The following CEP63 variants were observed in gnomAD, a reference collection of about 807,000 sequenced individuals.
CEP63 encodes centrosomal protein 63.
Under a neutral mutation model 89.1 loss-of-function variants are expected in CEP63, and 84 were observed. The ratio of observed to expected loss-of-function variants is 0.94; its 90% CI spans 0.79 to 1.13. The LOEUF (loss-of-function observed/expected upper bound fraction) is 1.13, where lower values mean the gene tolerates loss of function less well. Among genes scored for constraint, CEP63 ranks in the 50% most tolerant of loss-of-function variants. CEP63 has a pLI of 0.00. For missense variants in CEP63, 838 were observed against 813.3 expected (o/e 1.03, Z -0.37); for synonymous variants, 267 against 272.5 (o/e 0.98, Z 0.20).
chr3:134,745,227 C>T, the CEP63 span, among the ~76,000 whole-genome samples: 1 of 152,166 alleles, frequency 6.6e-6, no homozygotes, highest in South Asian at 2.1e-4. Context: ...TTCTTTGTTA[C>T]CCAGTGCTCA....
chr3:134,690,221 T>C, the CEP63 span, among the ~76,000 whole-genome samples: 2 of 152,156 alleles, frequency 1.3e-5, no homozygotes, highest in Non-Finnish European at 2.9e-5. Context: ...TGGAATACTT[T>C]TATAAAACAT....
At chr3:134,661,674 A>G in the CEP63 span, among the ~76,000 whole-genome samples, 1 of 152,150 alleles carries the variant, frequency 6.6e-6, no homozygotes, top group Non-Finnish European at 1.5e-5. Flanking sequence ...TTATGAAAAG[A>G]GAGAGAAAGA....
chr3:134,497,862 T>G (rs1302366187), intron 2 of CEP63, among the ~76,000 whole-genome samples: 2 of 152,198 alleles, frequency 1.3e-5, no homozygotes, highest in African/African-American at 4.8e-5. Flanking sequence ...TATTGGCACC[T>G]TTGTTGAAAA....
Position 134,496,809 on chromosome 3 carries a change from A to G in CEP63, c.44+1445A>G, listed in dbSNP as rs1398926296. ...GTTACTTATGTTAAGGGTGCTATAT[A>G]CAATATGGTAGTTCTATTTTTAGTT... On this transcript the variant is annotated intron_variant, in intron 2 of 14. Coordinates refer to ENST00000675561, the MANE Select transcript of CEP63 (RefSeq NM_001353108.3). Among the ~76,000 whole-genome samples, 2 of 152,332 alleles carry G rather than the reference A, an allele frequency of 1.3e-5. 1 individual carries two copies. The highest frequency in any genetic ancestry group is 4.1e-4 in the South Asian group (2 of 4,826).
the CEP63 span, among the ~76,000 whole-genome samples, chr3:134,653,981 C>G: frequency 1.8e-4 from 28 of 152,198 alleles, no homozygotes; most frequent in Non-Finnish European, 3.7e-4. Flanking sequence ...TAGTAGCTGA[C>G]AAACCAGGGG....
the CEP63 span, among the ~76,000 whole-genome samples, chr3:134,623,377 G>T: frequency 1.3e-5 from 2 of 152,134 alleles, no homozygotes; most frequent in African/African-American, 4.8e-5. Context: ...CCACTTCACG[G>T]CAGGCCAGGT....
chr3:134,755,374 C>CAGCATCTCCGATCCCAGAG, the CEP63 span, among the ~76,000 whole-genome samples: 3 of 152,196 alleles, frequency 2.0e-5, no homozygotes, highest in Non-Finnish European at 4.4e-5. Flanking sequence ...CTCAGGTGAT[C>CAGCATCTCCGATCCCAGAG]AGCATCTCCG....
chr3:134,559,362 C>T lies in CEP63; in HGVS notation c.1886C>T (p.Thr629Ile). ...KTHSLPSALD[T>I]NEANFSDTMS... ...CATTCTTTGCCTTCAGCGCTAGATA[C>T]AAATGAAGCCAATTTTTCTGACACT... Residue 629 changes from threonine to isoleucine, a missense_variant, in exon 14 of 15, where the codon ACA becomes ATA. Thr to Ile is a moderately conservative substitution (Grantham distance 89). Coordinates refer to ENST00000675561, the MANE Select transcript of CEP63 (RefSeq NM_001353108.3). 1.2e-6 allele frequency: 2 copies of T among 1,614,006 alleles called. No homozygotes were observed. The highest frequency in any genetic ancestry group is 1.7e-6 in the Non-Finnish European group (2 of 1,179,860).
intron 5 of CEP63, among the ~76,000 whole-genome samples, chr3:134,533,572 A>C (rs969900616): frequency 6.6e-6 from 1 of 152,216 alleles, no homozygotes; most frequent in Non-Finnish European, 1.5e-5. Context: ...TGGTGAGCTA[A>C]TAGTACCAAG....
At chr3:134,724,845 A>G in the CEP63 span, among the ~76,000 whole-genome samples, 1 of 152,244 alleles carries the variant, frequency 6.6e-6, no homozygotes, top group African/African-American at 2.4e-5. Context: ...AATAGCTCAT[A>G]TATGAAAAAA....
the CEP63 span, among the ~76,000 whole-genome samples, chr3:134,707,915 G>T: frequency 1.3e-5 from 2 of 152,130 alleles, no homozygotes; most frequent in East Asian, 3.9e-4. Context: ...CAAAAGAGCT[G>T]GGAGGGTTCA....
chr3:134,540,764 AT>A lies in CEP63; in HGVS notation c.555+3514del, dbSNP rs58341628. Among the ~76,000 whole-genome samples the A allele has an allele frequency of 2.4e-3, 316 of 133,374 alleles. 1 individual carries two copies. Among genetic ancestry groups the A allele is most frequent in the Middle Eastern group, 7.7e-3 (2 of 260 alleles). The allele number at this position is 133,374 out of a possible 152,430, so 87.5% of individuals were successfully genotyped here. On this transcript the variant is annotated intron_variant, in intron 6 of 14. Coordinates refer to ENST00000675561, the MANE Select transcript of CEP63 (RefSeq NM_001353108.3). ...GTCCTTTATTCACCTTTGTTTTAGGATTTTTTTTTTTTTTTTTTAAATCTTA... is the reference window on the plus strand; with the variant it reads ...GTCCTTTATTCACCTTTGTTTTAGGATTTTTTTTTTTTTTTTTAAATCTTA...
At chr3:134,594,606 A>G in the CEP63 span, among the ~76,000 whole-genome samples, 1 of 152,174 alleles carries the variant, frequency 6.6e-6, no homozygotes, top group African/African-American at 2.4e-5. Flanking sequence ...TTGTAAATAT[A>G]CATTTCCCAC....
downstream of CEP63, among the ~76,000 whole-genome samples, chr3:134,592,469 G>GGT (rs34973626): frequency 0.033 from 4,135 of 125,114 alleles, 145 homozygotes; most frequent in South Asian, 0.05. Context: ...TCTGCAAACT[G>GGT]GTGTGTGTGT....
intron 3 of CEP63, among the ~76,000 whole-genome samples, chr3:134,513,619 A>G (rs1215007752): frequency 1.3e-5 from 2 of 152,052 alleles, no homozygotes; most frequent in African/African-American, 4.8e-5. Context: ...GGCAGCCGAG[A>G]GGATAAAAGG....
At chr3:134,647,342 C>T in the CEP63 span, 1 of 1,011,088 alleles carries the variant, frequency 9.9e-7, no homozygotes, top group South Asian at 1.4e-5. Context: ...GGTTAGATGT[C>T]TAGGGCTAGT....
In CEP63 at chr3:134,559,441, T is replaced by C; in HGVS notation, c.1953+12T>C. On this transcript the variant is annotated intron_variant, in intron 14 of 14. Transcript: ENST00000675561. Reference sequence around the variant, plus strand: ...AGTTTATATCTTCGGTATGGAAACTTTCTGATCTTAGTAATTTGTTAGTTT... The same window carrying C: ...AGTTTATATCTTCGGTATGGAAACTCTCTGATCTTAGTAATTTGTTAGTTT... 1 of 1,605,940 alleles carries C rather than the reference T, an allele frequency of 6.2e-7. No individual in the cohort carries two copies.
intron 3 of CEP63, among the ~76,000 whole-genome samples, chr3:134,525,363 G>A (rs1313165837): frequency 6.6e-6 from 1 of 151,932 alleles, no homozygotes; most frequent in Non-Finnish European, 1.5e-5. Context: ...TCATGTCTCA[G>A]TCTCCTTCAA....
the CEP63 span, among the ~76,000 whole-genome samples, chr3:134,759,391 C>T: frequency 6.6e-6 from 1 of 152,188 alleles, no homozygotes; most frequent in Non-Finnish European, 1.5e-5. Context: ...GCGTCATCAC[C>T]CATTGGATTT....
Sources: allele counts gnomAD v4.1 joint callset (sites outside exome capture counted in the v4.1 genomes callset), GRCh38; gene constraint gnomAD v4.1.1; transcripts MANE v1.5; gene names NCBI Gene and HGNC (gene_info 2026-07-23, HGNC 2026-07-21).